Variants in SI observed in about 807,000 individuals in gnomAD.
SI encodes the protein sucrase-isomaltase.
Under a neutral mutation model 253.3 loss-of-function variants are expected in SI, and 235 were observed. That is an observed-to-expected ratio of 0.93 (90% CI 0.83 to 1.03). SI has a LOEUF of 1.03. Ranked by LOEUF, SI falls within the 50% of genes least tolerant of loss-of-function variation. SI has a pLI of 0.00. For synonymous variants in SI, 819 were observed against 712.0 expected, an observed-to-expected ratio of 1.15 and a Z score of -2.39; for missense variants, 2,442 against 2,211.1, an observed-to-expected ratio of 1.10 and a Z score of -2.09.
chr3:165,076,688 A>G (rs959062528), intron 1 of SI, among the ~76,000 whole-genome samples: 2 of 151,754 alleles, frequency 1.3e-5, no homozygotes, highest in Non-Finnish European at 2.9e-5. Context: ...AAACTCTTAT[A>G]TCAAAAATAC....
rs200729150 is a variant in SI, at chr3:165,065,476, T to G, written c.636-44A>C. ...AAAGAAATAATCTAATATATATATATATATATATATATATATATGATATTC... is the reference window on the plus strand; with the variant it reads ...AAAGAAATAATCTAATATATATATAGATATATATATATATATATGATATTC... On this transcript the variant is annotated intron_variant, in intron 6 of 47. Coordinates refer to ENST00000264382, the MANE Select transcript of SI (RefSeq NM_001041.4). 657 of 253,490 alleles carry G rather than the reference T, an allele frequency of 2.6e-3. 67 individuals are homozygous for G. The highest frequency in any genetic ancestry group is 9.9e-3 in the South Asian group (97 of 9,820). The allele number at this position is 253,490 out of a possible 1,614,324, so 15.7% of individuals were successfully genotyped here. A position where few individuals can be genotyped will look rare whatever the true frequency, so the allele number is the denominator to read the frequency against.
At chr3:165,061,315 C>T (rs1713974526) in intron 9 of SI, among the ~76,000 whole-genome samples, 1 of 151,698 alleles carries the variant, frequency 6.6e-6, no homozygotes, top group South Asian at 2.1e-4. Flanking sequence ...TGTTGTTTCT[C>T]TCTCTTGTTC....
intron 4 of SI, 23 bp downstream of exon 4, chr3:165,069,055 C>T: frequency 6.9e-7 from 1 of 1,452,954 alleles, no homozygotes; most frequent in South Asian, 1.1e-5. Context: ...CATATTGAAT[C>T]ATTATAACAG....
In SI at chr3:165,004,630, G is replaced by A. The variant is rs541918260; in HGVS notation, c.4406+2186C>T. Among the ~76,000 whole-genome samples, 4 of 152,180 alleles carry A rather than the reference G, an allele frequency of 2.6e-5. No homozygotes were observed. The East Asian group carries it at 7.7e-4, about 29-fold the overall frequency. The stretch of plus-strand genomic sequence containing the variant: ...CAGCTATAAAAAAGAATAAAATCCT[G>A]TCATTTGCAACGACATGTAGGAAAC... On this transcript the variant is annotated intron_variant, in intron 37 of 47. Coordinates refer to ENST00000264382, the MANE Select transcript of SI (RefSeq NM_001041.4).
At chr3:165,068,879 T>A in intron 4 of SI, 48 bp from the exon 5 acceptor site, 3 of 1,210,760 alleles carry the variant, frequency 2.5e-6, no homozygotes, top group Admixed American at 1.7e-5. Flanking sequence ...TTTATAATGT[T>A]AACAATTATT....
intron 44 of SI, among the ~76,000 whole-genome samples, chr3:164,989,728 A>C (rs1475938154): frequency 6.6e-6 from 1 of 152,224 alleles, no homozygotes; most frequent in Non-Finnish European, 1.5e-5. Flanking sequence ...AAAAAGCTTC[A>C]TCAAATGGAA....
chr3:165,050,047 A>T lies in SI; in HGVS notation c.1513-172T>A, dbSNP rs372898298. Among the ~76,000 whole-genome samples, 3 of 152,276 alleles carry T rather than the reference A, an allele frequency of 2.0e-5. No individual in the cohort carries two copies. The East Asian group carries it at 5.8e-4, about 29-fold the overall frequency. ...AAAATAAACAGAATGTCTATATCAG[A>T]TAAGTATCTTAGATGGGATAGAGAG... On this transcript the variant is annotated intron_variant, in intron 13 of 47. Transcript: ENST00000264382.
At chr3:165,080,382 G>A (rs539990391), upstream of SI, among the ~76,000 whole-genome samples, 8 of 151,982 alleles carry the variant, frequency 5.3e-5, no homozygotes, top group South Asian at 1.7e-3. Flanking sequence ...AATATTTCAA[G>A]TAACAGCTTT....
At chr3:165,002,268 T>A (rs1376127437) in intron 37 of SI, among the ~76,000 whole-genome samples, 2 of 151,778 alleles carry the variant, frequency 1.3e-5, no homozygotes, top group African/African-American at 4.8e-5. Flanking sequence ...AATACAACAT[T>A]GAATTTCAAA....
At chr3:165,059,415 C>G in intron 10 of SI, 116 bp from the exon 11 acceptor site, 1 of 1,023,486 alleles carries the variant, frequency 9.8e-7, no homozygotes, top group Non-Finnish European at 1.5e-6. Context: ...AATAAATGAA[C>G]GTCCATCCTT....
chr3:165,000,062 G>A (rs1470036393), intron 37 of SI, among the ~76,000 whole-genome samples: 2 of 150,920 alleles, frequency 1.3e-5, no homozygotes, highest in African/African-American at 2.4e-5. Context: ...GTAATAATTG[G>A]TGATAATTCT....
chr3:165,012,012 T>C (rs1361559537), intron 34 of SI, among the ~76,000 whole-genome samples: 2 of 152,100 alleles, frequency 1.3e-5, no homozygotes, highest in Non-Finnish European at 2.9e-5. Context: ...TTAAAATGTA[T>C]TTTCTCTGAT....
the SI span, among the ~76,000 whole-genome samples, chr3:165,085,073 T>A: frequency 6.6e-6 from 1 of 152,110 alleles, no homozygotes. Context: ...ATTGCTATAC[T>A]ATTAAAGTTA....
At chr3:165,085,904 T>A in the SI span, among the ~76,000 whole-genome samples, 1 of 152,092 alleles carries the variant, frequency 6.6e-6, no homozygotes, top group Non-Finnish European at 1.5e-5. Context: ...CAATATGACA[T>A]CAGACTAATA....
chr3:165,083,955 G>C, the SI span, among the ~76,000 whole-genome samples: 1 of 151,984 alleles, frequency 6.6e-6, no homozygotes, highest in Non-Finnish European at 1.5e-5. Context: ...TGTCAAATCT[G>C]CATTTTTGAA....
At chr3:165,043,846 C>T (rs1712982896) in intron 16 of SI, among the ~76,000 whole-genome samples, 1 of 151,676 alleles carries the variant, frequency 6.6e-6, no homozygotes, top group African/African-American at 2.4e-5. Flanking sequence ...ATGTAATTTC[C>T]TTTTTGTGTG....
In SI at chr3:165,006,682, G is replaced by A. The variant is rs150945170; in HGVS notation, c.4406+134C>T. ...ACACATTTTTTCTAAATGCTATGAA[G>A]GAAGAAGTTACAGAGAACAATTGGG... On this transcript the variant is annotated intron_variant, in intron 37 of 47. Coordinates refer to ENST00000264382, the MANE Select transcript of SI (RefSeq NM_001041.4). 53 of 708,234 alleles carry A rather than the reference G, an allele frequency of 7.5e-5. No homozygotes were observed. In the East Asian group the frequency reaches 7.7e-4, roughly 10 times the overall value. 43.9% of individuals were successfully genotyped at this position (708,234 alleles called of 1,614,324 possible).
chr3:164,982,885 A>T, intron 46 of SI, 117 bp downstream of exon 46: 1 of 986,690 alleles, frequency 1.0e-6, no homozygotes, highest in Non-Finnish European at 1.5e-6. Context: ...CCCTGGCCTC[A>T]AGCAATCCTC....
chr3:165,000,606 T>C (rs1346855400), intron 37 of SI, among the ~76,000 whole-genome samples: 2 of 151,428 alleles, frequency 1.3e-5, no homozygotes, highest in Non-Finnish European at 3.0e-5. Flanking sequence ...TGAGGTATTT[T>C]CATAATAATT....
Sources: gnomAD v4.1 joint callset for allele counts (sites outside exome capture counted in the v4.1 genomes callset) on GRCh38, gnomAD v4.1.1 for gene constraint, MANE v1.5 for transcripts, NCBI Gene and HGNC (gene_info 2026-07-23, HGNC 2026-07-21) for gene names.